CECR2: variants seen among roughly 807,000 people sequenced by gnomAD.
The protein encoded by CECR2 is chromatin remodeling regulator CECR2.
CECR2 carries 30 observed loss-of-function variants against 154.5 expected under a neutral mutation model. The observed-to-expected ratio is 0.19, with a 90% CI of 0.15 to 0.26. The LOEUF (loss-of-function observed/expected upper bound fraction) is 0.26. CECR2 is among the 10% of genes least tolerant of loss of function. The pLI, the probability that CECR2 is intolerant of heterozygous loss-of-function variation, is 1.00. For missense variants in CECR2, 1,743 were observed against 1,829.3 expected (o/e 0.95, Z 0.86); for synonymous variants, 725 against 683.7 (o/e 1.06, Z -0.94).
At chr22:17,363,060 G>GT (rs2062985072) in intron 1 of CECR2, among the ~76,000 whole-genome samples, 1 of 112,416 alleles carries the variant, frequency 8.9e-6, no homozygotes, top group African/African-American at 3.3e-5. Context: ...TTTTTTTTTT[G>GT]TTTTTTTGAG....
chr22:17,536,802 C>G (rs980867731), intron 9 of CECR2, among the ~76,000 whole-genome samples: 1 of 152,144 alleles, frequency 6.6e-6, no homozygotes, highest in Non-Finnish European at 1.5e-5. Flanking sequence ...TGCCATTCTT[C>G]TGTTTTCTTC....
Position 17,381,681 on chromosome 22 carries a change from A to G in CECR2, c.126+11772A>G, listed in dbSNP as rs371971621. 1.8e-4 allele frequency among the ~76,000 whole-genome samples: 27 copies of G among 152,160 alleles called. No homozygotes were observed. The East Asian group carries it at 3.3e-3, about 19-fold the overall frequency. On this transcript the variant is annotated intron_variant, in intron 1 of 18. Transcript: ENST00000262608. ...CCTGTTGTGCTGCTGCCCTGGGGGA[A>G]TTTGTCTGTCGAAAAGGGGCAGGGC...
At chr22:17,464,803 G>A (rs2055000539) in intron 1 of CECR2, among the ~76,000 whole-genome samples, 1 of 152,144 alleles carries the variant, frequency 6.6e-6, no homozygotes, top group African/African-American at 2.4e-5. Flanking sequence ...GCCCAGTCCA[G>A]AACTTCCTTT....
At position 17,492,732 on chromosome 22, in the gene CECR2, G is replaced by A. The variant is rs78283008; in HGVS notation, c.222-4671G>A. On this transcript the variant is annotated intron_variant, in intron 2 of 18. Transcript: ENST00000262608. ...AGACCTTGTTGTTCTGAGAAATTCCGTTTGGTTTGATCTTTGCATTACTAT... is the reference window on the plus strand; with the variant it reads ...AGACCTTGTTGTTCTGAGAAATTCCATTTGGTTTGATCTTTGCATTACTAT... Among the ~76,000 whole-genome samples, 1,278 of 152,208 alleles carry A rather than the reference G, an allele frequency of 8.4e-3. 21 individuals carry two copies. Among genetic ancestry groups the A allele is most frequent in the African/African-American group, 0.03 (1,228 of 41,536 alleles).
intron 9 of CECR2, among the ~76,000 whole-genome samples, chr22:17,536,832 C>A (rs546134072): frequency 6.6e-6 from 1 of 152,264 alleles, no homozygotes; most frequent in South Asian, 2.1e-4. Flanking sequence ...CCCTCCCCTC[C>A]TGCCCACCCT....
chr22:17,545,338 G>C (rs1215311699), intron 16 of CECR2, among the ~76,000 whole-genome samples: 14 of 120,082 alleles, frequency 1.2e-4, no homozygotes, highest in African/African-American at 4.6e-4. Context: ...TCACGCCACT[G>C]CACTCCAGCC....
intron 5 of CECR2, 104 bp from the exon 6 acceptor site, chr22:17,502,978 A>ACT: frequency 1.1e-6 from 1 of 947,724 alleles, no homozygotes; most frequent in Non-Finnish European, 1.6e-6. Flanking sequence ...ACACACATAC[A>ACT]CTCTCTTTGT....
chr22:17,492,910 C>T (rs1201984335), intron 2 of CECR2, among the ~76,000 whole-genome samples: 2 of 152,110 alleles, frequency 1.3e-5, no homozygotes, highest in Non-Finnish European at 2.9e-5. Flanking sequence ...AATATGTACA[C>T]ATTAGTTTTT....
intron 1 of CECR2, chr22:17,477,075 A>C (rs2055220170): frequency 2.8e-6 from 2 of 714,724 alleles, no homozygotes; most frequent in Admixed American, 4.0e-5. Flanking sequence ...CCAAAATAAA[A>C]ATTGTCATTA....
At chr22:17,534,291 G>A (rs747206732) in intron 9 of CECR2, among the ~76,000 whole-genome samples, 9 of 152,082 alleles carry the variant, frequency 5.9e-5, no homozygotes, top group South Asian at 4.1e-4. Flanking sequence ...CCAACAGAGC[G>A]AGACCCCTGT....
chr22:17,375,338 C>T (rs990151028), intron 1 of CECR2, among the ~76,000 whole-genome samples: 2 of 151,958 alleles, frequency 1.3e-5, no homozygotes, highest in Non-Finnish European at 2.9e-5. Flanking sequence ...TGGCCTCGAA[C>T]TCCCGACCTC....
At chr22:17,365,182 C>G (rs762627318), upstream of CECR2, among the ~76,000 whole-genome samples, 1 of 151,622 alleles carries the variant, frequency 6.6e-6, no homozygotes, top group Non-Finnish European at 1.5e-5. Context: ...CAAGATCATG[C>G]CACTGCACTC....
At chr22:17,534,520 T>G (rs1421596015) in intron 9 of CECR2, among the ~76,000 whole-genome samples, 1 of 151,836 alleles carries the variant, frequency 6.6e-6, no homozygotes, top group Non-Finnish European at 1.5e-5. Context: ...TATTTATTTA[T>G]TTTTTGAGAC....
chr22:17,515,605 T>G (rs1260100848), intron 8 of CECR2, among the ~76,000 whole-genome samples: 1 of 152,218 alleles, frequency 6.6e-6, no homozygotes, highest in Non-Finnish European at 1.5e-5. Context: ...TACCCAGATT[T>G]AAGCGTGTGA....
rs574024781 is a variant in CECR2, at chr22:17,501,650, G to A, written c.650+915G>A. Among the ~76,000 whole-genome samples, 7 of 152,186 alleles carry A rather than the reference G, an allele frequency of 4.6e-5. No individual in the cohort carries two copies. In the East Asian group the frequency reaches 9.6e-4, roughly 21 times the overall value. On this transcript the variant is annotated intron_variant, in intron 5 of 18. Coordinates refer to ENST00000262608, the MANE Select transcript of CECR2 (RefSeq NM_001290047.2). ...AGAAGTTCAGCTTCAGATTGCAGCT[G>A]CCTATTTCTTGCTTATCCGTTTCTG...
rs2056750889 is a variant in CECR2 at position 17,554,396 on chromosome 22, G to C, written c.*1556G>C. On this transcript the variant is annotated 3_prime_UTR_variant, in exon 19 of 19. Transcript: ENST00000262608. ...TTCAGCTGTGGGAGGGGCCAGTAGA[G>C]TGTTTCCCTCCAATTCCAGGATTCC... is the stretch of plus-strand genomic sequence containing the variant. 6.6e-6 allele frequency: 1 copy of C among 152,162 alleles called. No individual in the cohort carries two copies. Among genetic ancestry groups the C allele is most frequent in the African/African-American group, 2.4e-5 (1 of 41,440 alleles). 9.4% of individuals were successfully genotyped at this position (152,162 alleles called of 1,614,324 possible). A position where few individuals can be genotyped will look rare whatever the true frequency, so the allele number is the denominator to read the frequency against.
intron 9 of CECR2, among the ~76,000 whole-genome samples, chr22:17,532,697 A>ATTCTTTTTTTTT (rs2056375494): frequency 3.4e-5 from 1 of 29,366 alleles, no homozygotes; most frequent in Non-Finnish European, 7.2e-5. Flanking sequence ...ATTCATTATT[A>ATTCTTTTTTTTT]TTCTTTTTTT....
intron 2 of CECR2, among the ~76,000 whole-genome samples, chr22:17,484,745 G>A (rs1251124964): frequency 6.6e-6 from 1 of 152,086 alleles, no homozygotes; most frequent in Non-Finnish European, 1.5e-5. Flanking sequence ...GGGTGTATTG[G>A]CACACGCCTG....
intron 1 of CECR2, among the ~76,000 whole-genome samples, chr22:17,472,122 A>G (rs994825990): frequency 6.6e-6 from 1 of 152,204 alleles, no homozygotes; most frequent in East Asian, 1.9e-4. Context: ...AAGCAGCAAC[A>G]CGGACCTGGC....
Sources: gnomAD v4.1 joint callset for allele counts (sites outside exome capture counted in the v4.1 genomes callset) on GRCh38, gnomAD v4.1.1 for gene constraint, MANE v1.5 for transcripts, NCBI Gene and HGNC (gene_info 2026-07-23, HGNC 2026-07-21) for gene names.